The following GRIN3A variants were observed in gnomAD, a reference collection of about 807,000 sequenced individuals.
GRIN3A encodes the protein glutamate receptor ionotropic, NMDA 3A.
Under a neutral mutation model 92.4 loss-of-function variants are expected in GRIN3A, and 47 were observed. The observed-to-expected ratio is 0.51, with a 90% CI of 0.40 to 0.65. GRIN3A has a LOEUF of 0.65. GRIN3A is among the 30% of genes least tolerant of loss of function. The probability of loss-of-function intolerance (pLI) is 0.00; values close to 1 mark genes in which losing one functional copy is unlikely to be tolerated. For synonymous variants in GRIN3A, 527 were observed against 540.6 expected, an observed-to-expected ratio of 0.97 and a Z score of 0.35; for missense variants, 1,324 against 1,393.1, an observed-to-expected ratio of 0.95 and a Z score of 0.79.
chr9:101,712,374 C>T lies in GRIN3A; in HGVS notation c.699+24907G>A, dbSNP rs1055166024. ...TTTTGAACTACAGAGTGCAATTCTTCCTGGACTTCACTAGCTTCAAACCAG... is the reference window on the plus strand; with the variant it reads ...TTTTGAACTACAGAGTGCAATTCTTTCTGGACTTCACTAGCTTCAAACCAG... On this transcript the variant is annotated intron_variant, in intron 1 of 8. Coordinates refer to ENST00000361820, the MANE Select transcript of GRIN3A (RefSeq NM_133445.3). Among the ~76,000 whole-genome samples, 203 of 152,276 alleles carry T rather than the reference C, an allele frequency of 1.3e-3. 1 individual carries two copies. The highest frequency in any genetic ancestry group is 4.6e-3 in the African/African-American group (193 of 41,566).
intron 1 of GRIN3A, among the ~76,000 whole-genome samples, chr9:101,691,155 C>T (rs1829612033): frequency 6.6e-6 from 1 of 152,086 alleles, no homozygotes; most frequent in Non-Finnish European, 1.5e-5. Context: ...ATGTATAAAA[C>T]ATTTACTAGT....
intron 5 of GRIN3A, among the ~76,000 whole-genome samples, chr9:101,616,505 T>G (rs1828455558): frequency 1.3e-5 from 2 of 152,136 alleles, no homozygotes; most frequent in African/African-American, 4.8e-5. Context: ...TTTTCTTGAC[T>G]TCCTATTGTT....
At chr9:101,599,097 G>A (rs1828178260) in intron 6 of GRIN3A, among the ~76,000 whole-genome samples, 1 of 152,194 alleles carries the variant, frequency 6.6e-6, no homozygotes, top group Admixed American at 6.5e-5. Context: ...TATTAGCTGT[G>A]AGCCTTTGAG....
In GRIN3A at chr9:101,670,064, G is replaced by A; in HGVS notation, c.2348C>T (p.Pro783Leu). The A allele has an allele frequency of 6.2e-7, 1 of 1,606,984 alleles. No homozygotes were observed. The highest frequency in any genetic ancestry group is 1.1e-5 in the South Asian group (1 of 90,940). ...TAAAGTAAAATGAAGTATTACCTTG[G>A]GGTCATGTATTCCAGAAAGCTCTTC... Reference protein sequence around the residue: ...IYEELSGIHDPKLHHPSQGFR... With the variant: ...IYEELSGIHDLKLHHPSQGFR... The change falls in exon 3 of 9, where the codon CCC becomes CTC. Residue 783 changes from proline to leucine, a missense_variant. Coordinates refer to ENST00000361820, the MANE Select transcript of GRIN3A (RefSeq NM_133445.3).
chr9:101,573,993 C>G (rs564346281), intron 8 of GRIN3A, among the ~76,000 whole-genome samples: 36 of 151,856 alleles, frequency 2.4e-4, no homozygotes, highest in Non-Finnish European at 4.9e-4. Context: ...ACAGGACCAT[C>G]CTGATGTTTA....
chr9:101,665,932 C>T (rs1318378370), intron 3 of GRIN3A, among the ~76,000 whole-genome samples: 1 of 151,934 alleles, frequency 6.6e-6, no homozygotes, highest in South Asian at 2.1e-4. Flanking sequence ...ATGGTTTGTT[C>T]TGGGCATGAA....
At chr9:101,575,145 C>A (rs1356502168) in intron 8 of GRIN3A, among the ~76,000 whole-genome samples, 1 of 152,140 alleles carries the variant, frequency 6.6e-6, no homozygotes, top group Admixed American at 6.6e-5. Flanking sequence ...ACACACACTC[C>A]AAACCACCCT....
At chr9:101,661,446 T>C (rs1023234801) in intron 3 of GRIN3A, among the ~76,000 whole-genome samples, 1 of 151,852 alleles carries the variant, frequency 6.6e-6, no homozygotes, top group East Asian at 1.9e-4. Flanking sequence ...CTTTATAGCA[T>C]GTACATATGC....
intron 1 of GRIN3A, among the ~76,000 whole-genome samples, chr9:101,719,739 T>C (rs991053185): frequency 6.6e-6 from 1 of 152,196 alleles, no homozygotes; most frequent in African/African-American, 2.4e-5. Flanking sequence ...GTAAGCTTCA[T>C]AGGTTATGAA....
chr9:101,722,065 A>G (rs932540087), intron 1 of GRIN3A, among the ~76,000 whole-genome samples: 2 of 152,186 alleles, frequency 1.3e-5, no homozygotes, highest in Non-Finnish European at 2.9e-5. Flanking sequence ...TTTCAAGCCC[A>G]GAGGCTCAGG....
At chr9:101,712,032 T>C (rs1370482859) in intron 1 of GRIN3A, among the ~76,000 whole-genome samples, 3 of 152,196 alleles carry the variant, frequency 2.0e-5, no homozygotes, top group Non-Finnish European at 4.4e-5. Context: ...ATTTCAGCTT[T>C]ATGGGGCTAC....
intron 3 of GRIN3A, among the ~76,000 whole-genome samples, chr9:101,666,609 A>G (rs907246419): frequency 2.0e-5 from 3 of 152,028 alleles, no homozygotes; most frequent in African/African-American, 7.2e-5. Context: ...TTACCTATGT[A>G]ACAAACCTGC....
intron 1 of GRIN3A, among the ~76,000 whole-genome samples, chr9:101,693,309 A>C (rs1378409411): frequency 6.6e-6 from 1 of 151,108 alleles, no homozygotes; most frequent in Non-Finnish European, 1.5e-5. Context: ...AATCCCAGCT[A>C]CTCAGGAAAC....
intron 6 of GRIN3A, among the ~76,000 whole-genome samples, chr9:101,585,339 T>C (rs1827936426): frequency 6.6e-6 from 1 of 152,156 alleles, no homozygotes; most frequent in African/African-American, 2.4e-5. Context: ...ATGCTTTCAG[T>C]TTTTCAGCTA....
intron 1 of GRIN3A, among the ~76,000 whole-genome samples, chr9:101,734,426 T>G (rs1830175701): frequency 6.8e-6 from 1 of 147,696 alleles, no homozygotes; most frequent in African/African-American, 2.4e-5. Context: ...ATGTTTAATG[T>G]TTTATTAAGC....
chr9:101,732,101 G>T (rs1348564537), intron 1 of GRIN3A, among the ~76,000 whole-genome samples: 1 of 152,154 alleles, frequency 6.6e-6, no homozygotes, highest in Non-Finnish European at 1.5e-5. Context: ...CCACTAAAAT[G>T]AGCAATACTT....
chr9:101,599,737 C>T (rs750959502), intron 6 of GRIN3A, among the ~76,000 whole-genome samples: 15 of 152,074 alleles, frequency 9.9e-5, no homozygotes, highest in South Asian at 6.2e-4. Flanking sequence ...ATCAAACCAA[C>T]GGAAATGGAA....
chr9:101,652,538 C>G (rs542401491), intron 3 of GRIN3A, among the ~76,000 whole-genome samples: 1 of 151,966 alleles, frequency 6.6e-6, no homozygotes, highest in African/African-American at 2.4e-5. Flanking sequence ...TCCCAACATC[C>G]TCCCTCCACC....
intron 1 of GRIN3A, among the ~76,000 whole-genome samples, chr9:101,732,074 CT>C (rs1242919646): frequency 1.3e-5 from 2 of 152,186 alleles, no homozygotes; most frequent in Non-Finnish European, 2.9e-5. Context: ...GATTTCTCAT[CT>C]CTATATTTAC....
Sources: allele counts gnomAD v4.1 joint callset (sites outside exome capture counted in the v4.1 genomes callset), GRCh38; gene constraint gnomAD v4.1.1; transcripts MANE v1.5; gene names NCBI Gene and HGNC (gene_info 2026-07-23, HGNC 2026-07-21).